SDCCAG8: variants seen among roughly 807,000 people sequenced by gnomAD.
SDCCAG8 encodes the protein SHH signaling and ciliogenesis regulator SDCCAG8.
A neutral mutation model predicts 101.8 loss-of-function variants in SDCCAG8; 74 were observed. The observed-to-expected ratio is 0.73, with a 90% CI of 0.60 to 0.88. SDCCAG8 has a LOEUF of 0.88. Among genes scored for constraint, SDCCAG8 ranks in the 40% least tolerant of loss-of-function variants. The pLI is 0.00. For missense variants in SDCCAG8, 787 were observed against 822.6 expected, an observed-to-expected ratio of 0.96 and a Z score of 0.53; for synonymous variants, 281 against 292.9, an observed-to-expected ratio of 0.96 and a Z score of 0.41.
chr1:243,337,746 G>A (rs570391040), intron 10 of SDCCAG8, among the ~76,000 whole-genome samples: 11 of 152,270 alleles, frequency 7.2e-5, no homozygotes, highest in Non-Finnish European at 1.2e-4. Flanking sequence ...AAAGAGAGAC[G>A]GAGCCTTCTT....
chr1:243,280,637 T>C (rs185350676), intron 4 of SDCCAG8, among the ~76,000 whole-genome samples: 10 of 152,346 alleles, frequency 6.6e-5, no homozygotes, highest in Non-Finnish European at 1.2e-4. Flanking sequence ...TTTTACTTAG[T>C]TGAAAATATT....
chr1:243,268,013 T>C (rs1391569814), intron 1 of SDCCAG8: 1 of 779,128 alleles, frequency 1.3e-6, no homozygotes, highest in East Asian at 2.4e-5. Context: ...ATCCTTCTTT[T>C]CTTTCTCTTT....
chr1:243,355,314 TTC>T (rs10579765), intron 12 of SDCCAG8, among the ~76,000 whole-genome samples: 114,692 of 147,570 alleles, frequency 0.78, 45,539 homozygotes, highest in East Asian at 0.92. Flanking sequence ...TCCTGATACC[TTC>T]TCTCTCTCTC....
At chr1:243,401,400 G>A (rs1361547506) in intron 13 of SDCCAG8, among the ~76,000 whole-genome samples, 1 of 152,196 alleles carries the variant, frequency 6.6e-6, no homozygotes, top group Non-Finnish European at 1.5e-5. Context: ...AAGCTAATAT[G>A]ACTGCAAGGT....
At chr1:243,470,297 C>T (rs1660979510) in intron 16 of SDCCAG8, among the ~76,000 whole-genome samples, 1 of 152,150 alleles carries the variant, frequency 6.6e-6, no homozygotes, top group African/African-American at 2.4e-5. Flanking sequence ...TCCTGGCCGT[C>T]ATCACTCACA....
At chr1:243,312,097 ATTC>A (rs541018684) in intron 8 of SDCCAG8, among the ~76,000 whole-genome samples, 2 of 152,302 alleles carry the variant, frequency 1.3e-5, no homozygotes, top group South Asian at 2.1e-4. Flanking sequence ...TTGTCAATGA[ATTC>A]TTCTTCTGTA....
intron 9 of SDCCAG8, among the ~76,000 whole-genome samples, chr1:243,326,859 G>A (rs1218309080): frequency 3.9e-5 from 6 of 152,150 alleles, no homozygotes; most frequent in Admixed American, 2.0e-4. Context: ...TAGTTGACTA[G>A]ATATAAATTT....
chr1:243,332,180 A>G lies in SDCCAG8; in HGVS notation c.1221+1488A>G, dbSNP rs551343668. On this transcript the variant is annotated intron_variant, in intron 10 of 17. Transcript: ENST00000366541. ...GAGAAGGCCCTGATGGGTGGAGCAT[A>G]GAGAGAGAGGAGCAGAGTAGTGGGA... Among the ~76,000 whole-genome samples the G allele has an allele frequency of 2.5e-4, 38 of 152,264 alleles. No homozygotes were observed. The South Asian group carries it at 6.6e-3, about 27-fold the overall frequency.
chr1:243,267,726 A>G (rs961370592), intron 1 of SDCCAG8: 15 of 797,462 alleles, frequency 1.9e-5, no homozygotes, highest in Non-Finnish European at 2.5e-5. Context: ...GTACATGGTA[A>G]TTGTTCAAAT....
intron 16 of SDCCAG8, among the ~76,000 whole-genome samples, chr1:243,440,928 G>C (rs1037749598): frequency 6.6e-6 from 1 of 152,126 alleles, no homozygotes; most frequent in African/African-American, 2.4e-5. Flanking sequence ...ATAATATCTT[G>C]ATGATCTATT....
At chr1:243,288,569 T>TA (rs1253313564) in intron 5 of SDCCAG8, among the ~76,000 whole-genome samples, 1 of 152,118 alleles carries the variant, frequency 6.6e-6, no homozygotes, top group Non-Finnish European at 1.5e-5. Context: ...ATCTTAAATA[T>TA]AAAAAATCAA....
intron 12 of SDCCAG8, among the ~76,000 whole-genome samples, chr1:243,367,264 CT>C (rs1402683716): frequency 6.6e-6 from 1 of 151,980 alleles, no homozygotes; most frequent in Non-Finnish European, 1.5e-5. Context: ...GGAAAGACTA[CT>C]TTTTTTATAT....
chr1:243,282,907 C>T (rs1050788257), intron 4 of SDCCAG8, among the ~76,000 whole-genome samples: 4 of 151,998 alleles, frequency 2.6e-5, no homozygotes, highest in South Asian at 2.1e-4. Context: ...AGTGCAGTGG[C>T]GAGGTCTTGG....
At chr1:243,470,911 C>T (rs947697962) in intron 16 of SDCCAG8, among the ~76,000 whole-genome samples, 2 of 152,094 alleles carry the variant, frequency 1.3e-5, no homozygotes, top group African/African-American at 2.4e-5. Context: ...AGAAAAATCG[C>T]TATGTTCTCT....
At chr1:243,268,360 TAA>T (rs1478049770) in intron 1 of SDCCAG8, among the ~76,000 whole-genome samples, 1 of 152,228 alleles carries the variant, frequency 6.6e-6, no homozygotes, top group Non-Finnish European at 1.5e-5. Flanking sequence ...TTTCTAATAC[TAA>T]GTTATTGTAA....
At chr1:243,412,595 C>T (rs2080260636) in intron 13 of SDCCAG8, among the ~76,000 whole-genome samples, 2 of 151,734 alleles carry the variant, frequency 1.3e-5, no homozygotes, top group South Asian at 4.2e-4. Flanking sequence ...CTTTTCTTTT[C>T]CTTTTTTTTT....
chr1:243,256,385 A>C, intron 1 of SDCCAG8, 145 bp downstream of exon 1: 1 of 692,842 alleles, frequency 1.4e-6, no homozygotes, highest in Non-Finnish European at 2.6e-6. Flanking sequence ...GGTCTTGAGG[A>C]GGATGAAATA....
rs571908046 is a variant in SDCCAG8, at chr1:243,339,904, G to T, written c.1222-1135G>T. ...TGTTTTAACAGATAAAAATTGATAG[G>T]TATTCCTATATGTTCTGCTGCTTCT... On this transcript the variant is annotated intron_variant, in intron 10 of 17. Coordinates refer to ENST00000366541, the MANE Select transcript of SDCCAG8 (RefSeq NM_006642.5). Among the ~76,000 whole-genome samples the T allele has an allele frequency of 2.7e-4, 41 of 152,240 alleles. No individual in the cohort carries two copies. The South Asian group carries it at 7.9e-3, about 29-fold the overall frequency.
At chr1:243,392,520 C>T (rs1278658107) in intron 13 of SDCCAG8, among the ~76,000 whole-genome samples, 7 of 152,094 alleles carry the variant, frequency 4.6e-5, no homozygotes, top group Admixed American at 4.6e-4. Flanking sequence ...GGCATTTGTT[C>T]GGAATCATTC....
Sources: allele counts gnomAD v4.1 joint callset (sites outside exome capture counted in the v4.1 genomes callset), GRCh38; gene constraint gnomAD v4.1.1; transcripts MANE v1.5; gene names NCBI Gene and HGNC (gene_info 2026-07-23, HGNC 2026-07-21).